Variants in HIPK2 observed in about 807,000 individuals in gnomAD.
HIPK2 encodes homeodomain interacting protein kinase 2.
A neutral mutation model predicts 113.7 loss-of-function variants in HIPK2; 27 were observed. That is an observed-to-expected ratio of 0.24 (90% CI 0.17 to 0.33). The LOEUF is 0.33. HIPK2 is among the 10% of genes least tolerant of loss of function. The pLI is 1.00. For missense variants in HIPK2, 1,257 were observed against 1,588.0 expected (o/e 0.79, Z 3.54); for synonymous variants, 631 against 642.2 (o/e 0.98, Z 0.26).
intron 12 of HIPK2, among the ~76,000 whole-genome samples, chr7:139,588,090 G>A (rs1585242492): frequency 6.6e-6 from 1 of 151,930 alleles, no homozygotes; most frequent in Non-Finnish European, 1.5e-5. Context: ...GGCCGAGGTG[G>A]GCGGATCACT....
intron 1 of HIPK2, among the ~76,000 whole-genome samples, chr7:139,729,202 A>G (rs1378285251): frequency 2.0e-5 from 3 of 151,984 alleles, no homozygotes; most frequent in Non-Finnish European, 4.4e-5. Flanking sequence ...GTGCACACCC[A>G]TAGTCCCAGC....
chr7:139,687,007 A>T (rs1794242100), intron 2 of HIPK2, among the ~76,000 whole-genome samples: 1 of 152,272 alleles, frequency 6.6e-6, no homozygotes, highest in East Asian at 1.9e-4. Context: ...GCAACGATTG[A>T]CATCGAGGTA....
Position 139,631,495 on chromosome 7 carries a change from C to A in HIPK2, c.1227+107G>T. The A allele has an allele frequency of 6.7e-7, 1 of 1,499,464 alleles. No homozygotes were observed. Among genetic ancestry groups the A allele is most frequent in the South Asian group, 1.4e-5 (1 of 72,768 alleles). The allele number at this position is 1,499,464 out of a possible 1,614,324, so 92.9% of individuals were successfully genotyped here. A position where few individuals can be genotyped will look rare whatever the true frequency, so the allele number is the denominator to read the frequency against. On this transcript the variant is annotated intron_variant, in intron 3 of 14. Transcript: ENST00000406875. This position sits in a 1 kb window ranked among gnomAD's most constrained non-coding sequence, Gnocchi z 4.9. ...AAGCAAGGTTTGGGAGACAACGTGA[C>A]ATTCCACAGTCCCGCCCATTTGTCA...
chr7:139,717,389 C>A (rs1795280222), intron 1 of HIPK2, among the ~76,000 whole-genome samples: 1 of 152,186 alleles, frequency 6.6e-6, no homozygotes, highest in Non-Finnish European at 1.5e-5. Flanking sequence ...GCTCTGCTGT[C>A]ACGTACTTCG....
chr7:139,613,176 A>G lies in HIPK2; in HGVS notation c.2112+26T>C, dbSNP rs752244982. The G allele has an allele frequency of 3.1e-6, 5 of 1,612,614 alleles. No individual in the cohort carries two copies. The highest frequency in any genetic ancestry group is 4.2e-6 in the Non-Finnish European group (5 of 1,179,090). On this transcript the variant is annotated intron_variant, in intron 9 of 14. Coordinates refer to ENST00000406875, the MANE Select transcript of HIPK2 (RefSeq NM_022740.5). The surrounding 1 kb of genome is among the most constrained non-coding windows in gnomAD (Gnocchi z 4.2). ...CATTAACACAGGTAATGGTAATACCAGTAATAATAAAGGAGAAAGAATTAC... is the reference window on the plus strand; with the variant it reads ...CATTAACACAGGTAATGGTAATACCGGTAATAATAAAGGAGAAAGAATTAC...
At chr7:139,620,167 T>C (rs190724806) in intron 7 of HIPK2, among the ~76,000 whole-genome samples, 3 of 152,244 alleles carry the variant, frequency 2.0e-5, no homozygotes, top group South Asian at 2.1e-4. Context: ...AGGGGAACCA[T>C]CTCAGAAAGA....
At chr7:139,740,203 C>T (rs1796060554) in intron 1 of HIPK2, among the ~76,000 whole-genome samples, 1 of 152,204 alleles carries the variant, frequency 6.6e-6, no homozygotes, top group Non-Finnish European at 1.5e-5. Context: ...AGAGATGCTG[C>T]CCTTCTGTCC....
At chr7:139,668,699 T>TA (rs770334339) in intron 2 of HIPK2, among the ~76,000 whole-genome samples, 3 of 152,226 alleles carry the variant, frequency 2.0e-5, no homozygotes, top group Non-Finnish European at 4.4e-5. Flanking sequence ...TCTATTCTGT[T>TA]AGAGTTTAAT....
intron 2 of HIPK2, among the ~76,000 whole-genome samples, chr7:139,642,364 G>C (rs543338574): frequency 6.6e-6 from 1 of 152,320 alleles, no homozygotes; most frequent in East Asian, 1.9e-4. Flanking sequence ...CTGAAGAGCA[G>C]GGAGGAGGAG....
At chr7:139,744,682 G>A (rs1160782043) in intron 1 of HIPK2, among the ~76,000 whole-genome samples, 3 of 152,152 alleles carry the variant, frequency 2.0e-5, no homozygotes, top group South Asian at 2.1e-4. Context: ...TTACAGATGA[G>A]GAAACTTGAG....
intron 2 of HIPK2, among the ~76,000 whole-genome samples, chr7:139,685,682 C>T (rs1183656952): frequency 6.6e-6 from 1 of 152,230 alleles, no homozygotes; most frequent in African/African-American, 2.4e-5. Context: ...GCTAAATCTA[C>T]TTTGCCTGTG....
chr7:139,764,920 G>C (rs922156474), intron 1 of HIPK2, among the ~76,000 whole-genome samples: 9 of 152,324 alleles, frequency 5.9e-5, no homozygotes, highest in African/African-American at 2.2e-4. Context: ...TGGATCACCT[G>C]AAGTCAGGAA....
At chr7:139,682,553 T>G (rs1802742433) in intron 2 of HIPK2, among the ~76,000 whole-genome samples, 1 of 152,112 alleles carries the variant, frequency 6.6e-6, no homozygotes, top group Non-Finnish European at 1.5e-5. Flanking sequence ...GTCCCTGTGG[T>G]GGGTGGGGCC....
intron 2 of HIPK2, among the ~76,000 whole-genome samples, chr7:139,685,600 G>A (rs961645276): frequency 1.3e-5 from 2 of 152,216 alleles, no homozygotes; most frequent in Admixed American, 1.3e-4. Context: ...AAGGGCTGAT[G>A]CAGCTGGTGA....
chr7:139,663,540 C>G (rs1801939687), intron 2 of HIPK2, among the ~76,000 whole-genome samples: 1 of 152,170 alleles, frequency 6.6e-6, no homozygotes, highest in Admixed American at 6.5e-5. Flanking sequence ...TACTGGTATT[C>G]TATGCCAAAC....
At chr7:139,768,723 C>G (rs371287023) in intron 1 of HIPK2, among the ~76,000 whole-genome samples, 1 of 152,154 alleles carries the variant, frequency 6.6e-6, no homozygotes, top group East Asian at 1.9e-4. Context: ...CAGGAGCTTC[C>G]GTATGCCTCT....
chr7:139,639,694 C>A (rs938819684), intron 2 of HIPK2, among the ~76,000 whole-genome samples: 2 of 152,184 alleles, frequency 1.3e-5, no homozygotes, highest in Non-Finnish European at 1.5e-5. Flanking sequence ...GTCCCCCAAC[C>A]CCCATGTCAC....
intron 11 of HIPK2, among the ~76,000 whole-genome samples, chr7:139,597,216 C>A (rs1799254475): frequency 1.3e-5 from 2 of 152,214 alleles, no homozygotes. Flanking sequence ...ATGCCTGCTC[C>A]CAGCAGGACA....
At chr7:139,711,556 T>A (rs1185410646) in intron 2 of HIPK2, among the ~76,000 whole-genome samples, 1 of 152,214 alleles carries the variant, frequency 6.6e-6, no homozygotes, top group African/African-American at 2.4e-5. Flanking sequence ...GACAAGAATA[T>A]TTTGAATAAT....
Sources: allele counts gnomAD v4.1 joint callset (sites outside exome capture counted in the v4.1 genomes callset), GRCh38; gene constraint gnomAD v4.1.1; non-coding constraint Gnocchi (gnomAD v3.1); transcripts MANE v1.5; gene names NCBI Gene and HGNC (gene_info 2026-07-23, HGNC 2026-07-21).